Variants in ANO4 observed in about 807,000 individuals in gnomAD.
The protein encoded by ANO4 is anoctamin 4.
A neutral mutation model predicts 141.9 loss-of-function variants in ANO4; 69 were observed. The observed-to-expected ratio is 0.49, with a 90% CI of 0.40 to 0.59. The LOEUF (loss-of-function observed/expected upper bound fraction) is 0.59. ANO4 is among the 20% of genes least tolerant of loss of function. The probability of loss-of-function intolerance (pLI) is 0.00; values close to 1 mark genes in which losing one functional copy is unlikely to be tolerated. For missense variants in ANO4, 894 were observed against 1,162.2 expected (o/e 0.77, Z 3.36); for synonymous variants, 350 against 394.3 (o/e 0.89, Z 1.33).
intron 15 of ANO4, among the ~76,000 whole-genome samples, chr12:101,081,738 C>A (rs1205010303): frequency 2.0e-5 from 3 of 152,114 alleles, no homozygotes; most frequent in Non-Finnish European, 4.4e-5. Context: ...GCCAAGGTGT[C>A]AGCAGGGTTG....
chr12:100,905,826 T>C (rs1947394903), intron 2 of ANO4, among the ~76,000 whole-genome samples: 1 of 152,174 alleles, frequency 6.6e-6, no homozygotes, highest in African/African-American at 2.4e-5. Flanking sequence ...ATGAGAGCTA[T>C]GCACAATAGG....
chr12:100,893,007 G>A (rs962075843), intron 1 of ANO4, among the ~76,000 whole-genome samples: 2 of 152,138 alleles, frequency 1.3e-5, no homozygotes, highest in African/African-American at 4.8e-5. Flanking sequence ...CCCACATTCA[G>A]GGGACATATA....
intron 3 of ANO4, among the ~76,000 whole-genome samples, chr12:100,925,270 G>A (rs2041815595): frequency 6.6e-6 from 1 of 152,058 alleles, no homozygotes; most frequent in African/African-American, 2.4e-5. Context: ...TTAAGGGACT[G>A]TAGCTTAGAT....
At chr12:100,846,868 T>A (rs1339761853) in intron 1 of ANO4, among the ~76,000 whole-genome samples, 1 of 152,186 alleles carries the variant, frequency 6.6e-6, no homozygotes, top group Non-Finnish European at 1.5e-5. Flanking sequence ...TGTTCCTCCA[T>A]GTCTATCTTA....
chr12:100,766,532 C>G (rs1113552), intron 3 of ANO4, among the ~76,000 whole-genome samples: 8,284 of 151,986 alleles, frequency 0.055, 241 homozygotes, highest in East Asian at 0.071. Flanking sequence ...TTTACTTTCC[C>G]CATATTTGTG....
chr12:100,728,711 A>G (rs1291550315), intron 1 of ANO4, among the ~76,000 whole-genome samples: 2 of 152,304 alleles, frequency 1.3e-5, no homozygotes, highest in East Asian at 3.9e-4. Context: ...TCAGTAACTG[A>G]TGGTGTCTAA....
At chr12:100,836,202 T>G (rs1565920143) in intron 1 of ANO4, among the ~76,000 whole-genome samples, 1 of 152,096 alleles carries the variant, frequency 6.6e-6, no homozygotes, top group East Asian at 1.9e-4. Context: ...TGGGTGAAAA[T>G]GTTGATCTGT....
intron 3 of ANO4, among the ~76,000 whole-genome samples, chr12:100,935,517 A>C (rs1487656315): frequency 3.3e-5 from 5 of 152,230 alleles, no homozygotes; most frequent in Non-Finnish European, 7.3e-5. Flanking sequence ...TCTACCAGGC[A>C]GATAATTATC....
chr12:101,087,954 T>C (rs903020843), intron 17 of ANO4, among the ~76,000 whole-genome samples: 1 of 152,304 alleles, frequency 6.6e-6, no homozygotes, highest in South Asian at 2.1e-4. Context: ...GCTTTCACAT[T>C]GCTCCCTTCA....
chr12:100,795,819 C>T (rs1451761771), intron 1 of ANO4, among the ~76,000 whole-genome samples: 1 of 152,118 alleles, frequency 6.6e-6, no homozygotes, highest in African/African-American at 2.4e-5. Context: ...AGAACATAAG[C>T]AGGTTTCTGA....
rs1240674875 is a variant in ANO4 at position 100,836,491 on chromosome 12, C to T, written c.-141+41464C>T. Among the ~76,000 whole-genome samples, 2 of 138,112 alleles carry T rather than the reference C, an allele frequency of 1.4e-5. 1 individual carries two copies. The highest frequency in any genetic ancestry group is 5.3e-5 in the African/African-American group (2 of 37,884). The allele number at this position is 138,112 out of a possible 152,430, so 90.6% of individuals were successfully genotyped here. A position where few individuals can be genotyped will look rare whatever the true frequency, so the allele number is the denominator to read the frequency against. On this transcript the variant is annotated intron_variant, in intron 1 of 27. Coordinates refer to ENST00000392977, the MANE Select transcript of ANO4 (RefSeq NM_001286615.2). ...TATCTCCTAATGCTATCCCTCCCCCCTCCCCCCATCCCACAACAGGCCCTG... is the reference window on the plus strand; with the variant it reads ...TATCTCCTAATGCTATCCCTCCCCCTTCCCCCCATCCCACAACAGGCCCTG...
At chr12:100,988,302 C>A (rs1224937729) in intron 8 of ANO4, among the ~76,000 whole-genome samples, 1 of 152,108 alleles carries the variant, frequency 6.6e-6, no homozygotes, top group East Asian at 1.9e-4. Flanking sequence ...TACTCTGAAG[C>A]TTCTGAGATG....
intron 8 of ANO4, among the ~76,000 whole-genome samples, chr12:101,019,383 C>T (rs1018447132): frequency 6.6e-6 from 1 of 152,000 alleles, no homozygotes; most frequent in Non-Finnish European, 1.5e-5. Context: ...TGTGTGTGCG[C>T]ACACACACAT....
At chr12:100,896,195 A>T (rs1174837939) in intron 1 of ANO4, among the ~76,000 whole-genome samples, 1 of 152,174 alleles carries the variant, frequency 6.6e-6, no homozygotes, top group Non-Finnish European at 1.5e-5. Context: ...GTTTGAAAAG[A>T]GTCTTTGCAT....
chr12:100,915,793 A>G (rs1181154513), intron 2 of ANO4, among the ~76,000 whole-genome samples: 1 of 152,178 alleles, frequency 6.6e-6, no homozygotes, highest in East Asian at 1.9e-4. Context: ...TCAATGAGAA[A>G]GATAAGGCTT....
At chr12:101,073,585 A>ATAATAATAATAAT (rs1473199403) in intron 14 of ANO4, among the ~76,000 whole-genome samples, 2 of 148,022 alleles carry the variant, frequency 1.4e-5, no homozygotes, top group African/African-American at 5.1e-5. Flanking sequence ...AATAATAATA[A>ATAATAATAATAAT]TAATAATAAT....
intron 3 of ANO4, among the ~76,000 whole-genome samples, chr12:100,930,900 G>T (rs1006926907): frequency 6.6e-6 from 1 of 152,114 alleles, no homozygotes; most frequent in Admixed American, 6.6e-5. Context: ...CCGCTCAGTT[G>T]TCTCTTTGTC....
intron 14 of ANO4, among the ~76,000 whole-genome samples, chr12:101,055,344 T>A (rs1259203549): frequency 6.6e-6 from 1 of 152,204 alleles, no homozygotes; most frequent in Non-Finnish European, 1.5e-5. Flanking sequence ...CACTTGGAAT[T>A]GTCAGTCTTT....
chr12:100,816,793 C>T (rs1359645869), intron 1 of ANO4, among the ~76,000 whole-genome samples: 2 of 151,852 alleles, frequency 1.3e-5, no homozygotes, highest in Non-Finnish European at 2.9e-5. Context: ...CACTTATTTT[C>T]AAGTTTTGAT....
Sources: gnomAD v4.1 joint callset for allele counts (sites outside exome capture counted in the v4.1 genomes callset) on GRCh38, gnomAD v4.1.1 for gene constraint, MANE v1.5 for transcripts, NCBI Gene and HGNC (gene_info 2026-07-23, HGNC 2026-07-21) for gene names.